The following FAT2 variants were observed in gnomAD, a reference collection of about 807,000 sequenced individuals.
FAT2 encodes protocadherin Fat 2.
Under a neutral mutation model 295.3 loss-of-function variants are expected in FAT2, and 150 were observed. The ratio of observed to expected loss-of-function variants is 0.51; its 90% CI spans 0.44 to 0.58. The LOEUF is 0.58. Ranked by LOEUF, FAT2 falls within the 20% of genes least tolerant of loss-of-function variation. The pLI is 0.00. For synonymous variants in FAT2, 2,026 were observed against 2,150.3 expected, an observed-to-expected ratio of 0.94 and a Z score of 1.60; for missense variants, 4,868 against 5,442.7, an observed-to-expected ratio of 0.89 and a Z score of 3.32.
rs59201815 is a variant in FAT2 at position 151,561,392 on chromosome 5, C to CT, written c.3574+1932dup. ...CACAGCAGAATCTGACTTTCTCTCT[C>CT]TTTTTTTTTTCTTTCTGAGACAGGC... On this transcript the variant is annotated intron_variant, in intron 3 of 23. Coordinates refer to ENST00000261800, the MANE Select transcript of FAT2 (RefSeq NM_001447.3). Among the ~76,000 whole-genome samples the CT allele has an allele frequency of 9.9e-3, 1,477 of 149,938 alleles. 25 individuals are homozygous for CT. Among genetic ancestry groups the CT allele is most frequent in the African/African-American group, 0.035 (1,415 of 40,912 alleles).
intron 1 of FAT2, among the ~76,000 whole-genome samples, chr5:151,574,409 T>C (rs1241190964): frequency 2.0e-5 from 3 of 152,166 alleles, no homozygotes; most frequent in Non-Finnish European, 2.9e-5. Context: ...CCTAAACATA[T>C]TCTGTTTATG....
rs1561871808 is a variant in FAT2, at chr5:151,563,572, T to A, written c.3327A>T (p.Ala1109=). Residue 1109 remains alanine (A), a synonymous_variant, in exon 3 of 24, where the codon GCA becomes GCT. Transcript: ENST00000261800. The stretch of plus-strand genomic sequence containing the variant: ...AGAGGGGCACAGAACCCCTGTCCAC[T>A]GCTAATACCGTCAACCAGTAGTAAG... ...FASYYWLTVL[A]VDRGSVPLSS... 1 of 1,614,184 alleles carries A rather than the reference T, an allele frequency of 6.2e-7. No individual in the cohort carries two copies. The highest frequency in any genetic ancestry group is 8.5e-7 in the Non-Finnish European group (1 of 1,180,028).
intron 1 of FAT2, among the ~76,000 whole-genome samples, chr5:151,580,331 G>A (rs1758898312): frequency 6.6e-6 from 1 of 152,226 alleles, no homozygotes; most frequent in African/African-American, 2.4e-5. Flanking sequence ...GGGCAAAGCT[G>A]AGCCTATCTA....
chr5:151,544,077 C>T lies in FAT2; in HGVS notation c.7050G>A (p.Arg2350=), dbSNP rs1383338135. Residue 2350 remains arginine, a synonymous_variant, in exon 10 of 24, where the codon AGG becomes AGA. Coordinates refer to ENST00000261800, the MANE Select transcript of FAT2 (RefSeq NM_001447.3). ...EAQQHFHVKV[R]AMDKGDPPLT... The stretch of plus-strand genomic sequence containing the variant: ...GTGGGGGATCTCCTTTATCCATGGC[C>T]CTGACTTTCACATGAAAGTGTTGTT... 6.2e-7 allele frequency: 1 copy of T among 1,614,152 alleles called. No homozygotes were observed. The highest frequency in any genetic ancestry group is 2.2e-5 in the East Asian group (1 of 44,882).
intron 19 of FAT2, among the ~76,000 whole-genome samples, chr5:151,520,392 T>A (rs1753321475): frequency 6.6e-6 from 1 of 152,226 alleles, no homozygotes; most frequent in Non-Finnish European, 1.5e-5. Context: ...TTGGAAGCTG[T>A]ACAATTTCAG....
intron 1 of FAT2, among the ~76,000 whole-genome samples, chr5:151,575,757 T>C (rs1300630096): frequency 2.0e-5 from 3 of 152,184 alleles, no homozygotes; most frequent in Admixed American, 6.5e-5. Context: ...CCCAGAGGCC[T>C]GGAGTAGCTG....
Position 151,529,364 on chromosome 5 carries a change from G to C in FAT2, c.9840C>G (p.Asp3280Glu). The C allele has an allele frequency of 6.2e-7, 1 of 1,614,012 alleles. No individual in the cohort carries two copies. The highest frequency in any genetic ancestry group is 1.1e-5 in the South Asian group (1 of 91,076). The change falls in exon 15 of 24, where the codon GAC (aspartate) becomes GAG (glutamate). Residue 3280 changes from aspartate (D) to glutamate (E), a missense_variant. Transcript: ENST00000261800. ...GGAAGTACTTGGGGCTTGTCTCAAA[G>C]TCCAGGCTTGCGTTGACATACAGGA... ...TGILYVNASL[D>E]FETSPKYFLS...
At chr5:151,586,265 A>G (rs924996404) in intron 1 of FAT2, among the ~76,000 whole-genome samples, 1 of 152,226 alleles carries the variant, frequency 6.6e-6, no homozygotes, top group Non-Finnish European at 1.5e-5. Flanking sequence ...GCCCAGGCCA[A>G]CTGCTGCGGG....
intron 13 of FAT2, among the ~76,000 whole-genome samples, chr5:151,533,098 A>G (rs1207644027): frequency 3.9e-5 from 6 of 152,270 alleles, no homozygotes; most frequent in South Asian, 2.1e-4. Context: ...TCTAGGAGCT[A>G]TCTAGGAGAT....
At chr5:151,556,230 A>G (rs1382194793) in intron 4 of FAT2, 114 bp downstream of exon 4, 7 of 834,554 alleles carry the variant, frequency 8.4e-6, no homozygotes, top group South Asian at 8.3e-5. Context: ...GCTCACGTAT[A>G]TCTTCCTCCC....
At position 151,550,782 on chromosome 5, in the gene FAT2, C is replaced by T. The variant is rs2127622108; in HGVS notation, c.4386G>A (p.Val1462=). ...GGACTCGCAGGAGCTCTACCCCTGG[C>T]ACGGTGTCCTGGGGAACTCTGACTT... The part of the protein sequence containing the change: ...RYEVRVPQDT[V]PGVELLRVQA... The change falls in exon 8 of 24, where the codon GTG becomes GTA. Residue 1462 remains valine, a synonymous_variant. Coordinates refer to ENST00000261800, the MANE Select transcript of FAT2 (RefSeq NM_001447.3). The T allele has an allele frequency of 6.2e-7, 1 of 1,614,050 alleles. No individual in the cohort carries two copies. The highest frequency in any genetic ancestry group is 8.5e-7 in the Non-Finnish European group (1 of 1,179,968).
Position 151,566,401 on chromosome 5 carries a change from G to A in FAT2, c.2531C>T (p.Thr844Ile), listed in dbSNP as rs1458020997. 6.2e-7 allele frequency: 1 copy of A among 1,613,910 alleles called. No individual in the cohort carries two copies. Reference sequence around the variant, plus strand: ...ATTGTCTTCCGAGTCAGCATCTTTGGTTGTCAGCTCTGCAATTGTGGTTCC... The same window carrying A: ...ATTGTCTTCCGAGTCAGCATCTTTGATTGTCAGCTCTGCAATTGTGGTTCC... ...EVGTTIAELTTKDADSEDNGR... is the reference protein window; with the variant it reads ...EVGTTIAELTIKDADSEDNGR... Residue 844 changes from threonine to isoleucine, a missense_variant, in exon 2 of 24, where the codon ACC (threonine) becomes ATC (isoleucine). Thr to Ile is a moderately conservative substitution (Grantham distance 89, BLOSUM62 -1). Coordinates refer to ENST00000261800, the MANE Select transcript of FAT2 (RefSeq NM_001447.3).
intron 13 of FAT2, among the ~76,000 whole-genome samples, chr5:151,532,431 A>G (rs914160153): frequency 5.9e-5 from 9 of 152,114 alleles, no homozygotes; most frequent in Non-Finnish European, 1.0e-4. Context: ...AAATGAGTGC[A>G]TACAGAAACT....
At position 151,584,865 on chromosome 5, in the gene FAT2, C is replaced by T. The variant is rs1759109923; in HGVS notation, c.-21+6300G>A. ...GGCTACCAAGTCCAGTTAGACCTCA[C>T]CTTGAGCCCCCTTGGAGCTTAAAAA... is the stretch of plus-strand genomic sequence containing the variant. On this transcript the variant is annotated intron_variant, in intron 1 of 23. Coordinates refer to ENST00000261800, the MANE Select transcript of FAT2 (RefSeq NM_001447.3). Among the ~76,000 whole-genome samples the T allele has an allele frequency of 2.0e-5, 3 of 152,144 alleles. No individual in the cohort carries two copies. The South Asian group carries it at 6.2e-4, about 32-fold the overall frequency.
At chr5:151,526,565 C>A (rs767592170) in intron 17 of FAT2, among the ~76,000 whole-genome samples, 2 of 152,208 alleles carry the variant, frequency 1.3e-5, no homozygotes, top group Non-Finnish European at 2.9e-5. Context: ...AGAAACTGAT[C>A]GTTGCCTATC....
In FAT2 at chr5:151,531,518, G is replaced by T. The variant is rs2127590749; in HGVS notation, c.9811+69C>A. 2 of 1,589,506 alleles carry T rather than the reference G, an allele frequency of 1.3e-6. No individual in the cohort carries two copies. The highest frequency in any genetic ancestry group is 1.7e-6 in the Non-Finnish European group (2 of 1,166,710). On this transcript the variant is annotated intron_variant, in intron 14 of 23. Coordinates refer to ENST00000261800, the MANE Select transcript of FAT2 (RefSeq NM_001447.3). This position sits in a 1 kb window ranked among gnomAD's most constrained non-coding sequence, Gnocchi z 5.7. ...GCTGCACAGGGTAGATACCCACACA[G>T]GGGAGGAACCCAGCGCTCCCAGAAA... is the stretch of plus-strand genomic sequence containing the variant.
chr5:151,517,841 T>A, intron 19 of FAT2, 76 bp from the exon 20 acceptor site: 1 of 1,548,208 alleles, frequency 6.5e-7, no homozygotes, highest in Non-Finnish European at 8.8e-7. Flanking sequence ...TTGTCTTATT[T>A]AATCCTTGGG....
At chr5:151,537,641 C>T (rs1280132931) in intron 12 of FAT2, 152 bp downstream of exon 12, 4 of 662,710 alleles carry the variant, frequency 6.0e-6, no homozygotes, top group Non-Finnish European at 9.8e-6. Flanking sequence ...TTTATTATGT[C>T]CCCAGTACAA....
intron 19 of FAT2, among the ~76,000 whole-genome samples, chr5:151,520,582 C>A (rs1377644943): frequency 6.6e-6 from 1 of 152,174 alleles, no homozygotes; most frequent in Non-Finnish European, 1.5e-5. Context: ...TTATTGTGGG[C>A]CAGCCATGGG....
Sources: allele counts gnomAD v4.1 joint callset (sites outside exome capture counted in the v4.1 genomes callset), GRCh38; gene constraint gnomAD v4.1.1; non-coding constraint Gnocchi (gnomAD v3.1); transcripts MANE v1.5; gene names NCBI Gene and HGNC (gene_info 2026-07-23, HGNC 2026-07-21).